NRG1: variants seen among roughly 807,000 people sequenced by gnomAD.
NRG1 encodes the protein pro-neuregulin-1, membrane-bound isoform.
NRG1 carries 18 observed loss-of-function variants against 63.8 expected under a neutral mutation model. That is an observed-to-expected ratio of 0.28 (90% CI 0.19 to 0.42). The LOEUF is 0.42. Ranked by LOEUF, NRG1 falls within the 10% of genes least tolerant of loss-of-function variation. The pLI, the probability that NRG1 is intolerant of heterozygous loss-of-function variation, is 1.00. For missense variants in NRG1, 762 were observed against 814.7 expected (o/e 0.94, Z 0.79); for synonymous variants, 302 against 301.3 (o/e 1.00, Z -0.02).
At chr8:31,883,215 G>A (rs1237468242) in intron 1 of NRG1, among the ~76,000 whole-genome samples, 1 of 152,094 alleles carries the variant, frequency 6.6e-6, no homozygotes, top group Non-Finnish European at 1.5e-5. Flanking sequence ...CCCTCCACCA[G>A]CAAAAAGATT....
chr8:32,054,002 A>G (rs907097968), intron 1 of NRG1, among the ~76,000 whole-genome samples: 3 of 152,248 alleles, frequency 2.0e-5, no homozygotes, highest in Non-Finnish European at 4.4e-5. Flanking sequence ...GAAAAAATAT[A>G]GACAGTTAAA....
At chr8:32,646,932 G>T in intron 5 of NRG1, 1 of 985,070 alleles carries the variant, frequency 1.0e-6, no homozygotes, top group Non-Finnish European at 1.2e-6. Flanking sequence ...GAGAGAGGAC[G>T]GGCTTGGATG....
At chr8:31,994,674 A>AAAAAAAAAAAAC (rs1334132735) in intron 1 of NRG1, among the ~76,000 whole-genome samples, 1 of 150,550 alleles carries the variant, frequency 6.6e-6, no homozygotes, top group Non-Finnish European at 1.5e-5. Context: ...AAAAAAAAAA[A>AAAAAAAAAAAAC]AAAAGACTTC....
At chr8:31,883,010 C>T (rs1390153864) in intron 1 of NRG1, among the ~76,000 whole-genome samples, 1 of 152,048 alleles carries the variant, frequency 6.6e-6, no homozygotes, top group Non-Finnish European at 1.5e-5. Context: ...AGGATTGCCT[C>T]CAATTTCTCA....
Position 31,771,393 on chromosome 8 carries a change from GT to G in NRG1, c.37+131969del, listed in dbSNP as rs893416028. On this transcript the variant is annotated intron_variant, in intron 1 of 10. Coordinates refer to the NRG1 transcript ENST00000519301. Reference sequence around the variant, plus strand: ...TTCATGTGTGTTGAAGGGCATTTGGGTTTTTTTCCCCCAATTTGGGGCTATT... The same window carrying G: ...TTCATGTGTGTTGAAGGGCATTTGGGTTTTTTCCCCCAATTTGGGGCTATT... Among the ~76,000 whole-genome samples, 8 of 151,912 alleles carry G rather than the reference GT, an allele frequency of 5.3e-5. No individual in the cohort carries two copies. In the South Asian group the frequency reaches 1.0e-3, roughly 20 times the overall value.
At chr8:32,331,238 G>A (rs1275360716) in intron 1 of NRG1, among the ~76,000 whole-genome samples, 3 of 152,086 alleles carry the variant, frequency 2.0e-5, no homozygotes, top group East Asian at 1.9e-4. Context: ...GCTCACGCCT[G>A]TAATCCCAGC....
chr8:31,648,414 G>A (rs1201036531), intron 1 of NRG1, among the ~76,000 whole-genome samples: 1 of 152,084 alleles, frequency 6.6e-6, no homozygotes, highest in Non-Finnish European at 1.5e-5. Flanking sequence ...TTACAGGCGT[G>A]AGCCACCGCG....
chr8:32,027,798 A>G (rs895962912), intron 1 of NRG1, among the ~76,000 whole-genome samples: 6 of 152,016 alleles, frequency 3.9e-5, no homozygotes, highest in South Asian at 2.1e-4. Flanking sequence ...TTTTTGTCCA[A>G]TCCCCTGGGA....
At chr8:32,412,716 T>C (rs1381103138) in intron 1 of NRG1, among the ~76,000 whole-genome samples, 1 of 151,850 alleles carries the variant, frequency 6.6e-6, no homozygotes, top group Non-Finnish European at 1.5e-5. Context: ...AGCATATTAC[T>C]GTACTGAATA....
chr8:32,255,704 A>G (rs1175357227), intron 1 of NRG1, among the ~76,000 whole-genome samples: 2 of 151,954 alleles, frequency 1.3e-5, no homozygotes, highest in African/African-American at 4.8e-5. Flanking sequence ...GCTCTTCTTG[A>G]GGATTATCTT....
intron 1 of NRG1, among the ~76,000 whole-genome samples, chr8:32,366,164 T>G (rs570124244): frequency 6.6e-6 from 1 of 152,188 alleles, no homozygotes; most frequent in Non-Finnish European, 1.5e-5. Context: ...TTTTTAGATA[T>G]CCTTCACCTT....
At chr8:31,678,032 TAAAAA>T (rs369465452) in intron 1 of NRG1, among the ~76,000 whole-genome samples, 10 of 145,872 alleles carry the variant, frequency 6.9e-5, no homozygotes, top group African/African-American at 2.5e-4. Context: ...AATGATAAAT[TAAAAA>T]AAAAAAACTA....
intron 5 of NRG1, among the ~76,000 whole-genome samples, chr8:32,638,316 A>C (rs1851713618): frequency 6.6e-6 from 1 of 152,198 alleles, no homozygotes; most frequent in Admixed American, 6.5e-5. Flanking sequence ...AAGTATAATA[A>C]AAAAATTAAA....
chr8:32,411,387 G>A (rs933905625), intron 1 of NRG1, among the ~76,000 whole-genome samples: 3 of 152,152 alleles, frequency 2.0e-5, no homozygotes, highest in Non-Finnish European at 4.4e-5. Flanking sequence ...AAGAAATAAT[G>A]TTTGTACTAT....
intron 5 of NRG1, among the ~76,000 whole-genome samples, chr8:32,623,394 CAT>C (rs1348588049): frequency 6.6e-6 from 1 of 152,178 alleles, no homozygotes; most frequent in African/African-American, 2.4e-5. Flanking sequence ...TTGGTCATAA[CAT>C]GTGAACCTCT....
At chr8:31,878,359 T>C (rs1468661593) in intron 1 of NRG1, among the ~76,000 whole-genome samples, 1 of 152,196 alleles carries the variant, frequency 6.6e-6, no homozygotes, top group Non-Finnish European at 1.5e-5. Flanking sequence ...AAATCATAGA[T>C]GATGTAACTT....
intron 1 of NRG1, among the ~76,000 whole-genome samples, chr8:31,795,402 G>A (rs1465294706): frequency 6.6e-6 from 1 of 152,172 alleles, no homozygotes; most frequent in African/African-American, 2.4e-5. Flanking sequence ...AGGCATAAAA[G>A]TGATAGAGCG....
chr8:32,725,474 T>A (rs1026492550), intron 5 of NRG1, among the ~76,000 whole-genome samples: 6 of 131,784 alleles, frequency 4.6e-5, no homozygotes, highest in African/African-American at 1.7e-4. Flanking sequence ...ATTTTTTTTT[T>A]TTTTTTTTTT....
chr8:31,924,618 C>CT (rs142092572), intron 1 of NRG1, among the ~76,000 whole-genome samples: 9,918 of 139,612 alleles, frequency 0.071, 799 homozygotes, highest in African/African-American at 0.19. Flanking sequence ...AAATTTGTGC[C>CT]TTTTTTTTTT....
Sources: gnomAD v4.1 joint callset for allele counts (sites outside exome capture counted in the v4.1 genomes callset) on GRCh38, gnomAD v4.1.1 for gene constraint, MANE v1.5 for transcripts, NCBI Gene and HGNC (gene_info 2026-07-23, HGNC 2026-07-21) for gene names.